IDE: variants seen among roughly 807,000 people sequenced by gnomAD.
IDE encodes insulin-degrading enzyme.
IDE carries 58 observed loss-of-function variants against 133.2 expected under a neutral mutation model. The ratio of observed to expected loss-of-function variants is 0.44; its 90% CI spans 0.35 to 0.54. The LOEUF is 0.54. Ranked by LOEUF, IDE falls within the 20% of genes least tolerant of loss-of-function variation. The pLI, the probability that IDE is intolerant of heterozygous loss-of-function variation, is 0.00. For missense variants in IDE, 981 were observed against 1,234.0 expected (o/e 0.79, Z 3.07); for synonymous variants, 396 against 421.3 (o/e 0.94, Z 0.73).
chr10:92,538,178 A>C (rs1303436167), intron 1 of IDE, among the ~76,000 whole-genome samples: 1 of 152,272 alleles, frequency 6.6e-6, no homozygotes, highest in East Asian at 1.9e-4. Flanking sequence ...CCCGACCTAG[A>C]ATAGAGTTTT....
intron 1 of IDE, among the ~76,000 whole-genome samples, chr10:92,570,895 G>A (rs886934835): frequency 2.0e-5 from 3 of 151,812 alleles, no homozygotes; most frequent in Admixed American, 6.6e-5. Context: ...CAGCCTGGGC[G>A]ACAGAGTGAA....
rs1307072048 is a variant in IDE, at chr10:92,470,266, G to A, written c.2196C>T (p.Asn732=). ...RLHIEALLHG[N]ITKQAALGIM... ...CTCAACCACCCACCTGCTTTGTTAT[G>A]TTTCCATGGAGAAGGGCTTCAATGT... The change falls in exon 18 of 25, where the codon AAC becomes AAT. Residue 732 remains asparagine (N), a synonymous_variant. Coordinates refer to ENST00000265986, the MANE Select transcript of IDE (RefSeq NM_004969.4). The A allele has an allele frequency of 6.2e-7, 1 of 1,603,806 alleles. No individual in the cohort carries two copies. The highest frequency in any genetic ancestry group is 2.2e-5 in the East Asian group (1 of 44,530).
intron 11 of IDE, among the ~76,000 whole-genome samples, chr10:92,502,457 A>G (rs1848073956): frequency 6.6e-6 from 1 of 152,076 alleles, no homozygotes; most frequent in African/African-American, 2.4e-5. Context: ...GTTGCTATAT[A>G]TAGATATGCA....
At chr10:92,476,328 T>C (rs1321916200) in intron 15 of IDE, among the ~76,000 whole-genome samples, 1 of 151,974 alleles carries the variant, frequency 6.6e-6, no homozygotes, top group Admixed American at 6.6e-5. Context: ...CGTGCCCCAC[T>C]ACGCCTGGTT....
At chr10:92,487,497 A>C (rs1847072216) in intron 12 of IDE, among the ~76,000 whole-genome samples, 179 bp from the exon 13 acceptor site, 1 of 152,212 alleles carries the variant, frequency 6.6e-6, no homozygotes, top group Non-Finnish European at 1.5e-5. Context: ...AACCTGAGTT[A>C]GTCTTTCTAG....
intron 5 of IDE, among the ~76,000 whole-genome samples, chr10:92,511,384 T>C (rs113493105): frequency 0.022 from 3,349 of 152,268 alleles, 55 homozygotes; most frequent in Non-Finnish European, 0.036. Flanking sequence ...ATTACAGATG[T>C]GAGCCACCAT....
Position 92,490,526 on chromosome 10 carries a change from G to C in IDE, c.1500C>G (p.Tyr500Ter). ...DRTEEWYGTQ[Y>*]KQEAIPDEVI... ...CTTCATCCGGTATAGCTTCTTGTTT[G>C]TACTGGGTTCCATACCACTCTTCTG... The change falls in exon 12 of 25, where the codon TAC (tyrosine) becomes TAG (stop). Residue 500 changes from tyrosine (Y) to a stop codon, truncating the protein, a stop_gained. Coordinates refer to ENST00000265986, the MANE Select transcript of IDE (RefSeq NM_004969.4). LOFTEE classifies it high-confidence loss of function. The C allele has an allele frequency of 6.2e-7, 1 of 1,611,488 alleles. No homozygotes were observed. Among genetic ancestry groups the C allele is most frequent in the Non-Finnish European group, 8.5e-7 (1 of 1,177,716 alleles).
intron 1 of IDE, among the ~76,000 whole-genome samples, chr10:92,559,592 G>A (rs1843180183): frequency 6.6e-6 from 1 of 152,152 alleles, no homozygotes; most frequent in Admixed American, 6.6e-5. Context: ...AAAGATGAGT[G>A]GCTGCCATGG....
chr10:92,569,183 T>C (rs1226990786), intron 1 of IDE, among the ~76,000 whole-genome samples: 4 of 152,178 alleles, frequency 2.6e-5, no homozygotes, highest in Admixed American at 6.5e-5. Flanking sequence ...TGGGAATGAA[T>C]AGGTCATGTA....
At chr10:92,550,295 A>T (rs962160518) in intron 1 of IDE, among the ~76,000 whole-genome samples, 3 of 152,242 alleles carry the variant, frequency 2.0e-5, no homozygotes, top group Admixed American at 6.5e-5. Flanking sequence ...AATATATTAA[A>T]ATCTGCAACA....
At chr10:92,540,477 G>A (rs934713746) in intron 1 of IDE, among the ~76,000 whole-genome samples, 11 of 152,242 alleles carry the variant, frequency 7.2e-5, no homozygotes, top group Middle Eastern at 3.4e-3. Context: ...GTGTTAAAAC[G>A]GCAGTGTTAA....
chr10:92,503,402 T>G (rs1181857570), intron 11 of IDE, among the ~76,000 whole-genome samples: 5 of 152,170 alleles, frequency 3.3e-5, no homozygotes, highest in African/African-American at 1.2e-4. Flanking sequence ...ACTCCTAGTC[T>G]CAAGTGATCC....
chr10:92,559,395 T>C (rs1447822070), intron 1 of IDE, among the ~76,000 whole-genome samples: 7 of 152,154 alleles, frequency 4.6e-5, no homozygotes, highest in Non-Finnish European at 8.8e-5. Flanking sequence ...AATGAATGGA[T>C]AAATACAATC....
chr10:92,550,650 CAA>C (rs71028826), intron 1 of IDE, among the ~76,000 whole-genome samples: 36 of 57,418 alleles, frequency 6.3e-4, no homozygotes, highest in East Asian at 2.6e-3. Flanking sequence ...GACTCCGTCT[CAA>C]AAAAAAAAAA....
chr10:92,479,232 TA>T, intron 15 of IDE, 44 bp downstream of exon 15: 3 of 1,438,820 alleles, frequency 2.1e-6, no homozygotes, highest in South Asian at 1.4e-5. Flanking sequence ...CAAATCAATA[TA>T]AAAAATGTTG....
intron 1 of IDE, among the ~76,000 whole-genome samples, chr10:92,563,712 G>A (rs1196164384): frequency 2.6e-5 from 4 of 151,064 alleles, no homozygotes; most frequent in Non-Finnish European, 4.4e-5. Flanking sequence ...CCGGGATCAC[G>A]CCACTGCACT....
At chr10:92,468,039 T>C (rs1845782418) in intron 19 of IDE, among the ~76,000 whole-genome samples, 1 of 152,168 alleles carries the variant, frequency 6.6e-6, no homozygotes, top group Non-Finnish European at 1.5e-5. Flanking sequence ...TCAGAAAAAT[T>C]GTGCTGCAAG....
Position 92,567,153 on chromosome 10 carries a change from C to T in IDE, c.98+6769G>A, listed in dbSNP as rs1309440675. Among the ~76,000 whole-genome samples the T allele has an allele frequency of 2.0e-5, 3 of 152,188 alleles. No homozygotes were observed. The East Asian group carries it at 5.8e-4, about 29-fold the overall frequency. On this transcript the variant is annotated intron_variant, in intron 1 of 24. Coordinates refer to ENST00000265986, the MANE Select transcript of IDE (RefSeq NM_004969.4). ...GTAACAGCCAGCCCAAAAGTGCCTA[C>T]AAGACTGTGCCCACTGCTGTACCCA...
chr10:92,534,053 A>G (rs1014682072), intron 3 of IDE, among the ~76,000 whole-genome samples: 3 of 152,206 alleles, frequency 2.0e-5, no homozygotes, highest in African/African-American at 7.2e-5. Context: ...CCAAGAAATT[A>G]AATCATCCTA....
Sources: gnomAD v4.1 joint callset for allele counts (sites outside exome capture counted in the v4.1 genomes callset) on GRCh38, gnomAD v4.1.1 for gene constraint, MANE v1.5 for transcripts, NCBI Gene and HGNC (gene_info 2026-07-23, HGNC 2026-07-21) for gene names.